Variants in DGKI observed in about 807,000 individuals in gnomAD.
The protein encoded by DGKI is DAG kinase iota.
Under a neutral mutation model 147.5 loss-of-function variants are expected in DGKI, and 55 were observed. The ratio of observed to expected loss-of-function variants is 0.37; its 90% confidence interval spans 0.30 to 0.47. The LOEUF is 0.47. Ranked by LOEUF, DGKI falls within the 20% of genes least tolerant of loss-of-function variation. The pLI is 1.00. For missense variants in DGKI, 1,007 were observed against 1,323.8 expected, an observed-to-expected ratio of 0.76 and a Z score of 3.71; for synonymous variants, 469 against 477.1, an observed-to-expected ratio of 0.98 and a Z score of 0.22.
intron 23 of DGKI, among the ~76,000 whole-genome samples, chr7:137,470,622 C>A (rs1467478013): frequency 6.6e-6 from 1 of 151,946 alleles, no homozygotes; most frequent in Non-Finnish European, 1.5e-5. Context: ...GGCTGGAGTG[C>A]AGTGGTGTGA....
At position 137,638,541 on chromosome 7, in the gene DGKI, T is replaced by TAC. The variant is rs1554446505; in HGVS notation, c.804+6930_804+6931insGT. 1.7e-5 allele frequency among the ~76,000 whole-genome samples: 2 copies of TAC among 114,648 alleles called. 1 individual carries two copies. The highest frequency in any genetic ancestry group is 7.0e-5 in the African/African-American group (2 of 28,520). The allele number at this position is 114,648 out of a possible 152,430, so 75.2% of individuals were successfully genotyped here. A position where few individuals can be genotyped will look rare whatever the true frequency, so the allele number is the denominator to read the frequency against. On this transcript the variant is annotated intron_variant, in intron 6 of 32. Transcript: ENST00000614521. ...GTATATATATACACACACATATATGTATATATATGTGTGTATATATATACA... is the reference window on the plus strand; with the variant it reads ...GTATATATATACACACACATATATGTACATATATATGTGTGTATATATATACA...
intron 24 of DGKI, 64 bp from the exon 25 acceptor site, chr7:137,467,006 CT>C (rs1010428121): frequency 5.3e-6 from 8 of 1,517,402 alleles, no homozygotes; most frequent in Non-Finnish European, 7.3e-6. Flanking sequence ...AATTTATAAC[CT>C]TCTCTTCGAC....
chr7:137,666,493 T>C (rs73730087), intron 3 of DGKI, among the ~76,000 whole-genome samples: 3,484 of 152,330 alleles, frequency 0.023, 138 homozygotes, highest in African/African-American at 0.079. Context: ...TGGGTGACTA[T>C]CGCGTACTGC....
At chr7:137,641,187 T>G (rs1332075361) in intron 6 of DGKI, among the ~76,000 whole-genome samples, 1 of 152,166 alleles carries the variant, frequency 6.6e-6, no homozygotes, top group Non-Finnish European at 1.5e-5. Flanking sequence ...TGTGACTTGC[T>G]CCTCCTTGCC....
chr7:137,666,570 C>T (rs1822649768), intron 3 of DGKI, among the ~76,000 whole-genome samples: 1 of 152,168 alleles, frequency 6.6e-6, no homozygotes, highest in South Asian at 2.1e-4. Context: ...AATATTGCAG[C>T]CAGTCTTTAT....
At chr7:137,687,549 G>A (rs1823461532) in intron 2 of DGKI, among the ~76,000 whole-genome samples, 1 of 152,146 alleles carries the variant, frequency 6.6e-6, no homozygotes, top group Admixed American at 6.5e-5. Context: ...AAGTAATCTA[G>A]TTTTAGCCAA....
intron 23 of DGKI, among the ~76,000 whole-genome samples, chr7:137,476,782 G>A (rs1410040607): frequency 6.6e-6 from 1 of 152,176 alleles, no homozygotes; most frequent in East Asian, 1.9e-4. Flanking sequence ...AAGAACTGCA[G>A]TGGTGAGAAT....
rs1383100655 is a variant in DGKI, at chr7:137,434,877, T to C, written c.2761+9200A>G. Among the ~76,000 whole-genome samples, 4 of 152,338 alleles carry C rather than the reference T, an allele frequency of 2.6e-5. No homozygotes were observed. In the East Asian group the frequency reaches 7.7e-4, roughly 29 times the overall value. On this transcript the variant is annotated intron_variant, in intron 28 of 32. Transcript: ENST00000614521. The stretch of plus-strand genomic sequence containing the variant: ...ATCAGCAGTGAATTATCTATTTTCC[T>C]AGGATTTGTGAAAGAAGGCTAACTA...
intron 19 of DGKI, among the ~76,000 whole-genome samples, chr7:137,563,117 A>C (rs1723094): frequency 0.11 from 16,595 of 152,024 alleles, 2,035 homozygotes; most frequent in African/African-American, 0.3. Context: ...ATTTTTAAAA[A>C]TTAATGAAAT....
chr7:137,846,021 C>T lies in DGKI; in HGVS notation c.401+441G>A, dbSNP rs1047587456. Among the ~76,000 whole-genome samples, 4 of 152,108 alleles carry T rather than the reference C, an allele frequency of 2.6e-5. No homozygotes were observed. Among genetic ancestry groups the T allele is most frequent in the Admixed American group, 2.6e-4 (4 of 15,264 alleles). On this transcript the variant is annotated intron_variant, in intron 1 of 32. Transcript: ENST00000614521. This position sits in a 1 kb window ranked among gnomAD's most constrained non-coding sequence, Gnocchi z 4.0. The stretch of plus-strand genomic sequence containing the variant: ...GTGCCAAAGGTTCATCCAGCGAAAT[C>T]TGGAAGGTGGGGGAAGGGTGGTTGA...
At chr7:137,783,642 T>C (rs1391955068) in intron 1 of DGKI, among the ~76,000 whole-genome samples, 2 of 152,216 alleles carry the variant, frequency 1.3e-5, no homozygotes, top group Non-Finnish European at 2.9e-5. Context: ...GGGAAATTCA[T>C]TGTGAAAAGA....
intron 1 of DGKI, among the ~76,000 whole-genome samples, chr7:137,795,374 T>C (rs1796989473): frequency 6.6e-6 from 1 of 152,210 alleles, no homozygotes; most frequent in Non-Finnish European, 1.5e-5. Context: ...CAGAGAATTA[T>C]CACTATTGTA....
chr7:137,769,948 T>C (rs556828970), intron 1 of DGKI, among the ~76,000 whole-genome samples: 6 of 152,286 alleles, frequency 3.9e-5, no homozygotes, highest in African/African-American at 7.2e-5. Context: ...AGAAATACCA[T>C]TGGACCCAGC....
chr7:137,741,781 A>G (rs1341271962), intron 1 of DGKI, among the ~76,000 whole-genome samples: 1 of 152,198 alleles, frequency 6.6e-6, no homozygotes, highest in Non-Finnish European at 1.5e-5. Context: ...CTCCAATTTC[A>G]TGAATGTGCA....
intron 19 of DGKI, among the ~76,000 whole-genome samples, chr7:137,569,718 G>T (rs1818722632): frequency 1.0e-5 from 1 of 95,870 alleles, no homozygotes; most frequent in African/African-American, 4.0e-5. Context: ...AACAGAGTGA[G>T]ACTCTGTCTC....
chr7:137,712,544 T>C (rs539748961), intron 1 of DGKI, among the ~76,000 whole-genome samples: 1 of 152,318 alleles, frequency 6.6e-6, no homozygotes, highest in Admixed American at 6.5e-5. Flanking sequence ...GTCAAATTGC[T>C]GCTGTCCAAA....
chr7:137,585,074 T>C (rs1819338544), intron 14 of DGKI, 135 bp downstream of exon 14: 3 of 995,110 alleles, frequency 3.0e-6, no homozygotes, highest in South Asian at 1.6e-5. Flanking sequence ...ATAGCCCCAG[T>C]AGCCATCAAC....
At chr7:137,554,900 CAT>C (rs978755129) in intron 19 of DGKI, among the ~76,000 whole-genome samples, 6 of 147,400 alleles carry the variant, frequency 4.1e-5, no homozygotes, top group African/African-American at 1.5e-4. Context: ...GAATAGAAAA[CAT>C]AAAACTATTT....
intron 21 of DGKI, among the ~76,000 whole-genome samples, chr7:137,505,052 C>A (rs1816318515): frequency 7.0e-6 from 1 of 142,884 alleles, no homozygotes; most frequent in South Asian, 2.2e-4. Flanking sequence ...CGCATGTTCT[C>A]ACTCATAGGT....
Sources: gnomAD v4.1 joint callset for allele counts (sites outside exome capture counted in the v4.1 genomes callset) on GRCh38, gnomAD v4.1.1 for gene constraint, Gnocchi (gnomAD v3.1) non-coding constraint, MANE v1.5 for transcripts, NCBI Gene and HGNC (gene_info 2026-07-23, HGNC 2026-07-21) for gene names.